Variants in CEP128 observed in about 807,000 individuals in gnomAD.
CEP128 encodes the protein centrosomal protein 128, also known as centrosomal protein 128kDa.
A neutral mutation model predicts 156.7 loss-of-function variants in CEP128; 132 were observed. That is an observed-to-expected ratio of 0.84 (90% CI 0.73 to 0.97). The LOEUF is 0.97. Ranked by LOEUF, CEP128 falls within the 50% of genes least tolerant of loss-of-function variation. CEP128 has a pLI of 0.00. For synonymous variants in CEP128, 469 were observed against 448.9 expected, an observed-to-expected ratio of 1.04 and a Z score of -0.57; for missense variants, 1,252 against 1,281.9, an observed-to-expected ratio of 0.98 and a Z score of 0.36.
At chr14:80,851,119 A>G (rs1394897902) in intron 9 of CEP128, among the ~76,000 whole-genome samples, 1 of 152,138 alleles carries the variant, frequency 6.6e-6, no homozygotes, top group Non-Finnish European at 1.5e-5. Context: ...AATCACTTAC[A>G]TTTGGAAACG....
At chr14:80,774,599 A>G (rs907032797) in intron 16 of CEP128, among the ~76,000 whole-genome samples, 2 of 151,776 alleles carry the variant, frequency 1.3e-5, no homozygotes, top group Admixed American at 6.6e-5. Flanking sequence ...ATTTCTTTAC[A>G]TATATACATA....
intron 19 of CEP128, among the ~76,000 whole-genome samples, chr14:80,735,000 C>A (rs1478923270): frequency 6.6e-6 from 1 of 152,022 alleles, no homozygotes; most frequent in Non-Finnish European, 1.5e-5. Flanking sequence ...TAATACAAAC[C>A]ATATGACCTA....
chr14:80,766,819 G>A (rs1358002281), intron 16 of CEP128, among the ~76,000 whole-genome samples: 1 of 152,022 alleles, frequency 6.6e-6, no homozygotes, highest in African/African-American at 2.4e-5. Context: ...AAAGGGTAGG[G>A]GGAGATAGGA....
chr14:80,914,266 C>A, intron 4 of CEP128, 56 bp downstream of exon 4: 1 of 1,306,066 alleles, frequency 7.7e-7, no homozygotes, highest in Non-Finnish European at 1.1e-6. Flanking sequence ...TTCCCCAAAA[C>A]ACTTCATTCC....
intron 8 of CEP128, among the ~76,000 whole-genome samples, chr14:80,873,896 T>C (rs1385571789): frequency 6.6e-6 from 1 of 152,210 alleles, no homozygotes; most frequent in African/African-American, 2.4e-5. Flanking sequence ...GGAGTTTCCC[T>C]GCACAAGCTC....
intron 24 of CEP128, among the ~76,000 whole-genome samples, chr14:80,501,608 G>A (rs1594916582): frequency 6.6e-6 from 1 of 151,742 alleles, no homozygotes; most frequent in Non-Finnish European, 1.5e-5. Context: ...GGGTTCAAGC[G>A]ATTCTTTTGC....
At chr14:80,523,293 T>C (rs1456384015) in intron 23 of CEP128, among the ~76,000 whole-genome samples, 2 of 152,236 alleles carry the variant, frequency 1.3e-5, no homozygotes, top group African/African-American at 4.8e-5. Flanking sequence ...GAGATGTGGA[T>C]AAATGTTTTC....
intron 3 of CEP128, among the ~76,000 whole-genome samples, chr14:80,915,974 T>A (rs1038773540): frequency 3.3e-5 from 5 of 152,182 alleles, no homozygotes. Flanking sequence ...GATGGAGAGA[T>A]TCTCCTGGAT....
chr14:80,517,008 G>A (rs1311436031), intron 23 of CEP128, among the ~76,000 whole-genome samples: 1 of 152,068 alleles, frequency 6.6e-6, no homozygotes, highest in Non-Finnish European at 1.5e-5. Flanking sequence ...GGGGACAATT[G>A]CTGGAGGGTT....
chr14:80,576,624 C>CGTGTGTGTGTGTGT (rs753148123), intron 20 of CEP128, among the ~76,000 whole-genome samples: 2 of 112,740 alleles, frequency 1.8e-5, no homozygotes, highest in African/African-American at 3.4e-5. Flanking sequence ...ATTACTCCGG[C>CGTGTGTGTGTGTGT]GTGTGTGTGT....
intron 23 of CEP128, among the ~76,000 whole-genome samples, chr14:80,523,375 C>T (rs540723463): frequency 4.6e-5 from 7 of 152,186 alleles, no homozygotes; most frequent in Non-Finnish European, 7.4e-5. Flanking sequence ...ACCCCCAATG[C>T]AGTTTATTGG....
At chr14:80,707,249 T>C (rs1033224062) in intron 19 of CEP128, among the ~76,000 whole-genome samples, 1 of 152,176 alleles carries the variant, frequency 6.6e-6, no homozygotes, top group African/African-American at 2.4e-5. Flanking sequence ...GTTTATCATG[T>C]GGGTCTTCAC....
chr14:80,601,980 AG>A (rs1892598851), intron 19 of CEP128, among the ~76,000 whole-genome samples: 1 of 152,230 alleles, frequency 6.6e-6, no homozygotes, highest in Non-Finnish European at 1.5e-5. Context: ...TAAGAGAAAT[AG>A]TTTAGATTCG....
downstream of CEP128, among the ~76,000 whole-genome samples, chr14:80,493,210 G>C (rs1402783932): frequency 1.3e-5 from 2 of 152,178 alleles, no homozygotes; most frequent in African/African-American, 2.4e-5. Context: ...TTGAGAAAAA[G>C]AGAGCATTCG....
chr14:80,790,500 G>A (rs182618130), intron 14 of CEP128, among the ~76,000 whole-genome samples: 1 of 151,954 alleles, frequency 6.6e-6, no homozygotes, highest in Non-Finnish European at 1.5e-5. Flanking sequence ...ACATATCCCT[G>A]AAGTACACCA....
At chr14:80,573,883 C>T (rs1266339795) in intron 20 of CEP128, among the ~76,000 whole-genome samples, 2 of 152,166 alleles carry the variant, frequency 1.3e-5, no homozygotes, top group African/African-American at 4.8e-5. Context: ...CTTCCATCCC[C>T]ACAACACTGT....
chr14:80,584,330 G>C (rs1395406881), intron 19 of CEP128, among the ~76,000 whole-genome samples: 1 of 151,766 alleles, frequency 6.6e-6, no homozygotes, highest in Non-Finnish European at 1.5e-5. Context: ...ATTTTCAGTA[G>C]AGACGGGGTT....
intron 21 of CEP128, among the ~76,000 whole-genome samples, chr14:80,531,597 T>C (rs1165947455): frequency 2.6e-5 from 4 of 152,220 alleles, no homozygotes; most frequent in African/African-American, 9.7e-5. Flanking sequence ...ATATATATTA[T>C]AGGCATCTCT....
At position 80,662,745 on chromosome 14, in the gene CEP128, C is replaced by A. The variant is rs377317831; in HGVS notation, c.2806+80330G>T. Reference sequence around the variant, plus strand: ...GAGGAAAAATAACACATTAGACATGCTCCTTGTGGTAAAAGTAATCTCATG... The same window carrying A: ...GAGGAAAAATAACACATTAGACATGATCCTTGTGGTAAAAGTAATCTCATG... On this transcript the variant is annotated intron_variant, in intron 19 of 24. Coordinates refer to ENST00000555265, the MANE Select transcript of CEP128 (RefSeq NM_152446.5). Among the ~76,000 whole-genome samples, 7 of 152,272 alleles carry A rather than the reference C, an allele frequency of 4.6e-5. No homozygotes were observed. The East Asian group carries it at 1.3e-3, about 29-fold the overall frequency.
Sources: allele counts gnomAD v4.1 joint callset (sites outside exome capture counted in the v4.1 genomes callset), GRCh38; gene constraint gnomAD v4.1.1; transcripts MANE v1.5; gene names NCBI Gene and HGNC (gene_info 2026-07-23, HGNC 2026-07-21).